Variants in ZNG1E observed in about 807,000 individuals in gnomAD.
ZNG1E encodes Zn regulated GTPase metalloprotein activator 1E, also known as zinc-regulated GTPase metalloprotein activator 1E.
the ZNG1E span, among the ~76,000 whole-genome samples, chr9:65,710,512 A>T: frequency 3.2e-3 from 477 of 150,830 alleles, 1 homozygote; most frequent in African/African-American, 0.011. Context: ...TCTTTAATCC[A>T]TCTTGAATTG....
At chr9:65,683,942 G>A in the ZNG1E span, among the ~76,000 whole-genome samples, 1 of 152,294 alleles carries the variant, frequency 6.6e-6, no homozygotes, top group Non-Finnish European at 1.5e-5. Flanking sequence ...ATTAGAAATA[G>A]CAAATATCAG....
chr9:65,679,744 A>G, the ZNG1E span, among the ~76,000 whole-genome samples: 1 of 152,208 alleles, frequency 6.6e-6, no homozygotes, highest in African/African-American at 2.4e-5. Flanking sequence ...TAGTAGAGAC[A>G]GGGTTTCACC....
the ZNG1E span, among the ~76,000 whole-genome samples, chr9:65,660,547 ATG>A: frequency 6.6e-6 from 1 of 152,256 alleles, no homozygotes; most frequent in Non-Finnish European, 1.5e-5. Flanking sequence ...TTCGGTATTT[ATG>A]TGTTGGGGAG....
At chr9:65,667,435 GA>G in the ZNG1E span, among the ~76,000 whole-genome samples, 4 of 152,272 alleles carry the variant, frequency 2.6e-5, no homozygotes, top group African/African-American at 7.2e-5. Flanking sequence ...AAAATATATT[GA>G]ATTTGATATT....
the ZNG1E span, among the ~76,000 whole-genome samples, chr9:65,699,191 G>A: frequency 6.7e-6 from 1 of 149,710 alleles, no homozygotes; most frequent in Admixed American, 6.7e-5. Flanking sequence ...CCAAAGTGCT[G>A]GGATTACAGG....
At chr9:65,705,026 G>A in the ZNG1E span, 1 of 146,638 alleles carries the variant, frequency 6.8e-6, no homozygotes, top group Middle Eastern at 3.6e-3. Context: ...TTACCATTTT[G>A]TAGCTGACAA....
chr9:65,686,837 C>G, the ZNG1E span, among the ~76,000 whole-genome samples: 2 of 152,252 alleles, frequency 1.3e-5, no homozygotes, highest in South Asian at 2.1e-4. Context: ...AACTTTTCTT[C>G]TCTAGCTTCC....
the ZNG1E span, among the ~76,000 whole-genome samples, chr9:65,686,022 G>GA: frequency 7.0e-6 from 1 of 142,432 alleles, no homozygotes; most frequent in African/African-American, 2.6e-5. Context: ...ATAATATTTT[G>GA]AAGGAATCTT....
At chr9:65,662,251 C>T in the ZNG1E span, among the ~76,000 whole-genome samples, 1 of 152,202 alleles carries the variant, frequency 6.6e-6, no homozygotes, top group African/African-American at 2.4e-5. Flanking sequence ...ACCAGTACTC[C>T]TCAAGAGTGT....
the ZNG1E span, among the ~76,000 whole-genome samples, chr9:65,672,554 G>A: frequency 2.0e-5 from 3 of 151,938 alleles, no homozygotes; most frequent in Admixed American, 6.6e-5. Context: ...GACCAGCCTG[G>A]CTAACGTGGT....
chr9:65,720,007 A>T, the ZNG1E span: 1 of 1,600,414 alleles, frequency 6.2e-7, no homozygotes, highest in Non-Finnish European at 8.5e-7. Flanking sequence ...TCAGAAGTGT[A>T]TTAATCTCTG....
chr9:65,684,396 G>C, the ZNG1E span, among the ~76,000 whole-genome samples: 3 of 151,554 alleles, frequency 2.0e-5, no homozygotes, highest in Non-Finnish European at 4.4e-5. Flanking sequence ...AACTAGCCAG[G>C]CGTTGTGGCG....
the ZNG1E span, among the ~76,000 whole-genome samples, chr9:65,690,782 G>T: frequency 2.3e-3 from 344 of 152,074 alleles, no homozygotes; most frequent in African/African-American, 7.8e-3. Flanking sequence ...GGTATAAATA[G>T]TAAAAGGTTC....
chr9:65,657,738 A>T, the ZNG1E span, among the ~76,000 whole-genome samples: 2 of 152,280 alleles, frequency 1.3e-5, no homozygotes, highest in African/African-American at 2.4e-5. Flanking sequence ...GTTACACAAA[A>T]AAAGGATAAA....
At chr9:65,701,166 C>T in the ZNG1E span, 4 of 141,744 alleles carry the variant, frequency 2.8e-5, no homozygotes, top group Non-Finnish European at 4.5e-5. Flanking sequence ...GTGTACAATG[C>T]TTTGAGCGTG....
At chr9:65,689,199 GTTTTATTTTTTAT>G in the ZNG1E span, among the ~76,000 whole-genome samples, 2 of 140,056 alleles carry the variant, frequency 1.4e-5, no homozygotes, top group Non-Finnish European at 3.1e-5. Context: ...TGGCCTTTTT[GTTTTATTTTTTAT>G]TTTTATTTTT....
the ZNG1E span, among the ~76,000 whole-genome samples, chr9:65,683,892 T>C: frequency 6.6e-6 from 1 of 152,288 alleles, no homozygotes; most frequent in African/African-American, 2.4e-5. Context: ...TTAAATATTA[T>C]TTGAATCTGG....
At chr9:65,709,438 G>A in the ZNG1E span, among the ~76,000 whole-genome samples, 1 of 139,654 alleles carries the variant, frequency 7.2e-6, no homozygotes, top group Non-Finnish European at 1.5e-5. Context: ...TGCCATGCTG[G>A]TGGGCTGCAC....
the ZNG1E span, among the ~76,000 whole-genome samples, chr9:65,720,960 T>C: frequency 1.5e-5 from 2 of 136,974 alleles, no homozygotes; most frequent in African/African-American, 2.9e-5. Flanking sequence ...TCCTTGGAGA[T>C]AGAATTTATG....
Sources: gnomAD v4.1 joint callset for allele counts (sites outside exome capture counted in the v4.1 genomes callset) on GRCh38, gnomAD v4.1.1 for gene constraint, MANE v1.5 for transcripts, NCBI Gene and HGNC (gene_info 2026-07-23, HGNC 2026-07-21) for gene names.